The following EEF1AKMT2 variants were observed in gnomAD, a reference collection of about 807,000 sequenced individuals.
EEF1AKMT2 encodes EEF1A lysine methyltransferase 2.
Under a neutral mutation model 35.8 loss-of-function variants are expected in EEF1AKMT2, and 32 were observed. The ratio of observed to expected loss-of-function variants is 0.89; its 90% CI spans 0.67 to 1.20. The LOEUF is 1.20. Ranked by LOEUF, EEF1AKMT2 falls within the 50% of genes most tolerant of loss-of-function variation. EEF1AKMT2 has a pLI of 0.00. For missense variants in EEF1AKMT2, 330 were observed against 347.5 expected (o/e 0.95, Z 0.40); for synonymous variants, 121 against 133.7 (o/e 0.91, Z 0.65).
intron 3 of EEF1AKMT2, among the ~76,000 whole-genome samples, chr10:124,787,290 A>G (rs754488293): frequency 2.4e-4 from 37 of 152,136 alleles, no homozygotes; most frequent in Non-Finnish European, 4.6e-4. Context: ...CTACATAGCG[A>G]GGCATAATGG....
intron 4 of EEF1AKMT2, among the ~76,000 whole-genome samples, chr10:124,773,433 T>C (rs1445115208): frequency 6.6e-6 from 1 of 152,022 alleles, no homozygotes. Flanking sequence ...GGTTTCACCA[T>C]GCTGGCCAGG....
intron 3 of EEF1AKMT2, among the ~76,000 whole-genome samples, chr10:124,782,789 G>T (rs1950553927): frequency 6.8e-6 from 1 of 147,676 alleles, no homozygotes; most frequent in South Asian, 2.2e-4. Context: ...CTCCAGCCTG[G>T]GCAACATGAG....
chr10:124,769,248 A>ATATATATATATATGTGTG (rs60863408), intron 4 of EEF1AKMT2, among the ~76,000 whole-genome samples: 7 of 63,814 alleles, frequency 1.1e-4, no homozygotes, highest in African/African-American at 3.3e-4. Flanking sequence ...ATATATATAT[A>ATATATATATATATGTGTG]TGTGTGTATA....
intron 4 of EEF1AKMT2, 136 bp downstream of exon 4, chr10:124,774,539 T>C (rs1326932383): frequency 6.7e-6 from 3 of 444,990 alleles, no homozygotes; most frequent in Non-Finnish European, 1.1e-5. Context: ...ATTTTTAATA[T>C]GGCTATTTAA....
chr10:124,790,388 A>G (rs1456023221), intron 1 of EEF1AKMT2, 50 bp from the exon 2 acceptor site: 3 of 1,263,224 alleles, frequency 2.4e-6, no homozygotes, highest in South Asian at 1.2e-5. Context: ...AAACTGTATT[A>G]TGAATTAAAT....
chr10:124,787,544 T>C (rs1176380578), intron 3 of EEF1AKMT2, among the ~76,000 whole-genome samples: 2 of 148,462 alleles, frequency 1.3e-5, no homozygotes, highest in African/African-American at 2.5e-5. Flanking sequence ...TTAAAACTCA[T>C]CTTTTGTTCA....
intron 4 of EEF1AKMT2, among the ~76,000 whole-genome samples, chr10:124,771,565 C>T (rs749193027): frequency 3.9e-5 from 6 of 151,998 alleles, no homozygotes; most frequent in Non-Finnish European, 7.4e-5. Context: ...CCTGTGTTAA[C>T]AGGCATAAAA....
chr10:124,767,946 A>G (rs1362613784), intron 4 of EEF1AKMT2, among the ~76,000 whole-genome samples: 1 of 152,230 alleles, frequency 6.6e-6, no homozygotes, highest in African/African-American at 2.4e-5. Flanking sequence ...AGATCACGCC[A>G]TTGCACTCCA....
chr10:124,781,300 C>T (rs941026426), intron 3 of EEF1AKMT2, among the ~76,000 whole-genome samples: 3 of 151,768 alleles, frequency 2.0e-5, no homozygotes, highest in African/African-American at 4.8e-5. Flanking sequence ...ATATTCAGGC[C>T]GGCTGCGGTG....
At chr10:124,784,456 A>G (rs1950567836) in intron 3 of EEF1AKMT2, among the ~76,000 whole-genome samples, 4 of 152,172 alleles carry the variant, frequency 2.6e-5, no homozygotes, top group African/African-American at 4.8e-5. Flanking sequence ...AAAATATAAC[A>G]TATCAAAATT....
chr10:124,784,061 TG>T (rs1383201413), intron 3 of EEF1AKMT2, among the ~76,000 whole-genome samples: 2 of 152,126 alleles, frequency 1.3e-5, no homozygotes, highest in Non-Finnish European at 2.9e-5. Context: ...TGACCTCAGG[TG>T]ATCTGCCCAC....
intron 3 of EEF1AKMT2, among the ~76,000 whole-genome samples, chr10:124,777,857 G>T (rs757660547): frequency 6.6e-6 from 1 of 151,846 alleles, no homozygotes; most frequent in Non-Finnish European, 1.5e-5. Flanking sequence ...ACATAGAAAG[G>T]GTAAAAATAC....
chr10:124,761,337 G>A (rs189915792), intron 6 of EEF1AKMT2, among the ~76,000 whole-genome samples: 1 of 152,174 alleles, frequency 6.6e-6, no homozygotes, highest in East Asian at 1.9e-4. Flanking sequence ...GGGTAGTGAT[G>A]ACAATTGCAC....
intron 3 of EEF1AKMT2, among the ~76,000 whole-genome samples, chr10:124,783,721 TG>T (rs1437450557): frequency 6.6e-6 from 1 of 152,028 alleles, no homozygotes; most frequent in Non-Finnish European, 1.5e-5. Context: ...CATGGCTCAC[TG>T]CAGCCTCGAC....
At chr10:124,790,706 C>T (rs1950626873) in intron 1 of EEF1AKMT2, among the ~76,000 whole-genome samples, 1 of 152,216 alleles carries the variant, frequency 6.6e-6, no homozygotes, top group Non-Finnish European at 1.5e-5. Flanking sequence ...AGTCTCTTTC[C>T]TGTGCTATTT....
chr10:124,789,235 C>T, intron 2 of EEF1AKMT2, 78 bp from the exon 3 acceptor site: 1 of 874,832 alleles, frequency 1.1e-6, no homozygotes, highest in South Asian at 1.6e-5. Context: ...GCTATTTATA[C>T]CATATGCTCA....
chr10:124,765,669 G>GGA, intron 4 of EEF1AKMT2, 61 bp from the exon 5 acceptor site: 2 of 1,250,212 alleles, frequency 1.6e-6, no homozygotes, highest in Non-Finnish European at 2.3e-6. Flanking sequence ...CAGAATGTAA[G>GGA]TGACAACCTG....
chr10:124,765,297 A>G (rs565592949), intron 5 of EEF1AKMT2, 95 bp downstream of exon 5: 1 of 1,038,718 alleles, frequency 9.6e-7, no homozygotes, highest in East Asian at 2.4e-5. Flanking sequence ...CACAAATAGA[A>G]AAGTAAAACA....
rs57130146 is a variant in EEF1AKMT2, at chr10:124,774,374, CAAAAAAAAAAAAAA to C, written c.399+287_399+300del. Among the ~76,000 whole-genome samples, 92 of 21,710 alleles carry C rather than the reference CAAAAAAAAAAAAAA, an allele frequency of 4.2e-3. 3 individuals are homozygous for C. In the South Asian group the frequency reaches 0.17, roughly 40 times the overall value. The allele number at this position is 21,710 out of a possible 152,430, so 14.2% of individuals were successfully genotyped here. ...TGGGCAACTGAGCGAGACTCAGTCT[CAAAAAAAAAAAAAA>C]AAAAAAAAAAAAAAAAAAAAAACCC... On this transcript the variant is annotated intron_variant, in intron 4 of 6. Coordinates refer to ENST00000368836, the MANE Select transcript of EEF1AKMT2 (RefSeq NM_212554.4).
Sources: allele counts gnomAD v4.1 joint callset (sites outside exome capture counted in the v4.1 genomes callset), GRCh38; gene constraint gnomAD v4.1.1; transcripts MANE v1.5; gene names NCBI Gene and HGNC (gene_info 2026-07-23, HGNC 2026-07-21).